Variants in MRPL3 observed in about 807,000 individuals in gnomAD.
MRPL3 encodes the protein large ribosomal subunit protein uL3m.
In MRPL3, 43 loss-of-function variants were observed where a neutral mutation model predicts 44.3. The observed-to-expected ratio is 0.97, with a 90% CI of 0.76 to 1.25. The LOEUF (loss-of-function observed/expected upper bound fraction) is 1.25. Among genes scored for constraint, MRPL3 ranks in the 50% most tolerant of loss-of-function variants. The probability of loss-of-function intolerance (pLI) is 0.00; values close to 1 mark genes in which losing one functional copy is unlikely to be tolerated. For missense variants in MRPL3, 406 were observed against 427.6 expected, an observed-to-expected ratio of 0.95 and a Z score of 0.45; for synonymous variants, 171 against 152.3, an observed-to-expected ratio of 1.12 and a Z score of -0.91.
At chr3:131,474,524 A>T (rs1933810317) in intron 6 of MRPL3, among the ~76,000 whole-genome samples, 1 of 152,182 alleles carries the variant, frequency 6.6e-6, no homozygotes, top group Non-Finnish European at 1.5e-5. Flanking sequence ...ATTACAAAAC[A>T]GCTAGGAATG....
chr3:131,487,441 A>C lies in MRPL3; in HGVS notation c.629+239T>G, dbSNP rs966867566. The C allele has an allele frequency of 6.4e-5, 25 of 390,506 alleles. 1 individual carries two copies. The highest frequency in any genetic ancestry group is 5.9e-4 in the Admixed American group (13 of 21,956). 24.2% of individuals were successfully genotyped at this position (390,506 alleles called of 1,614,324 possible). On this transcript the variant is annotated intron_variant, in intron 6 of 9. Transcript: ENST00000264995. ...TGTGCACATGTACCCTAGAACTTAA[A>C]GTATAATAAAAAAAAAACAAATAAA...
Position 131,468,103 on chromosome 3 carries a change from A to AT in MRPL3, c.881dup (p.Asn294LysfsTer10), listed in dbSNP as rs1933662000. Reference sequence around the variant, plus strand: ...CACTTATACTTACCTTTACTAAGCAATTTTTATGTCCAGGTACAGAGCCAT... The same window carrying AT: ...CACTTATACTTACCTTTACTAAGCAATTTTTTATGTCCAGGTACAGAGCCAT... On this transcript the variant is annotated frameshift_variant, in exon 9 of 10. Transcript: ENST00000264995. LOFTEE classifies it high-confidence loss of function. 6.4e-7 allele frequency: 1 copy of AT among 1,567,362 alleles called. No individual in the cohort carries two copies. The highest frequency in any genetic ancestry group is 1.4e-5 in the African/African-American group (1 of 72,170).
At chr3:131,474,952 AT>A (rs937409597) in intron 6 of MRPL3, among the ~76,000 whole-genome samples, 1 of 151,164 alleles carries the variant, frequency 6.6e-6, no homozygotes, top group Admixed American at 6.6e-5. Context: ...CTAATTTTTA[AT>A]TTTTTTTGGT....
In MRPL3 at chr3:131,472,247, C is replaced by T. The variant is rs566268220; in HGVS notation, c.630-968G>A. ...TCTTAGAAGATATCAGAAGGATCTT[C>T]ATCTCAGGGTTGAGAAGAAACAAAT... On this transcript the variant is annotated intron_variant, in intron 6 of 9. Transcript: ENST00000264995. 4.6e-5 allele frequency among the ~76,000 whole-genome samples: 7 copies of T among 152,256 alleles called. No individual in the cohort carries two copies. The South Asian group carries it at 1.5e-3, about 32-fold the overall frequency.
chr3:131,495,430 T>C (rs1934345505), intron 4 of MRPL3, among the ~76,000 whole-genome samples: 1 of 152,270 alleles, frequency 6.6e-6, no homozygotes, highest in Non-Finnish European at 1.5e-5. Flanking sequence ...AAATTTTATA[T>C]CTTGAAGAAA....
chr3:131,498,246 G>T lies in MRPL3; in HGVS notation c.401C>A (p.Ser134Ter). The T allele has an allele frequency of 6.2e-7, 1 of 1,611,354 alleles. No homozygotes were observed. ...CATTTTTCCATTACAGTTTTCCTTT[G>T]ACGTATATTTTAAGACATGACAGTC... ...VQDCHVLKYT[S>*]KENCNGKMAT... Residue 134 changes from serine to a stop codon, truncating the protein, a stop_gained, in exon 4 of 10, where the codon TCA becomes TAA. Transcript: ENST00000264995. LOFTEE classifies it high-confidence loss of function.
chr3:131,486,870 T>A (rs148155068), intron 6 of MRPL3, among the ~76,000 whole-genome samples: 3,419 of 152,188 alleles, frequency 0.022, 128 homozygotes, highest in African/African-American at 0.078. Flanking sequence ...GTAAATTAGT[T>A]CAACCATTAT....
At chr3:131,482,981 T>G (rs923849869) in intron 6 of MRPL3, among the ~76,000 whole-genome samples, 2 of 120,554 alleles carry the variant, frequency 1.7e-5, no homozygotes, top group East Asian at 4.1e-4. Flanking sequence ...CTTTGTTTCA[T>G]TCTTCTTTTT....
At chr3:131,487,149 T>C (rs1211989002) in intron 6 of MRPL3, 2 of 153,664 alleles carry the variant, frequency 1.3e-5, no homozygotes, top group African/African-American at 4.8e-5. Flanking sequence ...TCATGTCCTT[T>C]GCAGGGACAT....
rs527451678 is a variant in MRPL3, at chr3:131,494,107, C to T, written c.469-4027G>A. 3.3e-5 allele frequency among the ~76,000 whole-genome samples: 5 copies of T among 152,290 alleles called. No homozygotes were observed. In the South Asian group the frequency reaches 1.0e-3, roughly 32 times the overall value. On this transcript the variant is annotated intron_variant, in intron 4 of 9. Transcript: ENST00000264995. ...GATCAGTCTACAACTTACCAGGAAT[C>T]CCCCTGGGGCTCTCCAGTGGAGCCT...
At chr3:131,480,627 A>G (rs912441723) in intron 6 of MRPL3, among the ~76,000 whole-genome samples, 1 of 152,202 alleles carries the variant, frequency 6.6e-6, no homozygotes, top group African/African-American at 2.4e-5. Flanking sequence ...CAACTGCACT[A>G]AATAAACCCA....
In MRPL3 at chr3:131,473,177, T is replaced by C. The variant is rs540748680; in HGVS notation, c.630-1898A>G. The stretch of plus-strand genomic sequence containing the variant: ...CTTCAAAACATACTACACAAAGCTA[T>C]AGGAGCCAAAACAGCATGCTACTGG... On this transcript the variant is annotated intron_variant, in intron 6 of 9. Coordinates refer to ENST00000264995, the MANE Select transcript of MRPL3 (RefSeq NM_007208.4). 1.2e-4 allele frequency among the ~76,000 whole-genome samples: 18 copies of C among 152,068 alleles called. 1 individual carries two copies. The highest frequency in any genetic ancestry group is 3.4e-4 in the African/African-American group (14 of 41,496).
In MRPL3 at chr3:131,489,749, C is replaced by T. The variant is rs72997229; in HGVS notation, c.568+232G>A. ...TGAGGTGGCTTTTTCAAATATTAAA[C>T]TCTCTCTACATTAAAAACAAAAGTG... On this transcript the variant is annotated intron_variant, in intron 5 of 9. Coordinates refer to ENST00000264995, the MANE Select transcript of MRPL3 (RefSeq NM_007208.4). Among the ~76,000 whole-genome samples, 6,705 of 151,254 alleles carry T rather than the reference C, an allele frequency of 0.044. 415 individuals carry two copies. The highest frequency in any genetic ancestry group is 0.14 in the African/African-American group (5,711 of 41,162).
intron 2 of MRPL3, among the ~76,000 whole-genome samples, chr3:131,500,805 T>G (rs987645698): frequency 6.6e-6 from 1 of 152,218 alleles, no homozygotes; most frequent in Non-Finnish European, 1.5e-5. Flanking sequence ...TTTTAAATAA[T>G]GGGCATGATA....
At chr3:131,485,454 T>C (rs1399251480) in intron 6 of MRPL3, among the ~76,000 whole-genome samples, 1 of 152,246 alleles carries the variant, frequency 6.6e-6, no homozygotes, top group East Asian at 1.9e-4. Context: ...TGTGGCATTT[T>C]ATATGCAATA....
intron 6 of MRPL3, among the ~76,000 whole-genome samples, chr3:131,475,750 A>C (rs1559817577): frequency 6.6e-6 from 1 of 152,234 alleles, no homozygotes; most frequent in Non-Finnish European, 1.5e-5. Context: ...AGAAGAGAAT[A>C]ATCAAATATT....
At chr3:131,464,631 G>A (rs902693229) in intron 9 of MRPL3, among the ~76,000 whole-genome samples, 13 of 152,076 alleles carry the variant, frequency 8.5e-5, no homozygotes, top group African/African-American at 1.7e-4. Context: ...GAATGAACAC[G>A]AATGAACCGT....
At chr3:131,499,727 T>C (rs1197238079) in intron 3 of MRPL3, among the ~76,000 whole-genome samples, 1 of 146,380 alleles carries the variant, frequency 6.8e-6, no homozygotes, top group Admixed American at 6.7e-5. Context: ...CCAGTATCTT[T>C]CTATAATAAT....
At chr3:131,484,195 G>A (rs932503127) in intron 6 of MRPL3, among the ~76,000 whole-genome samples, 2 of 152,172 alleles carry the variant, frequency 1.3e-5, no homozygotes, top group African/African-American at 2.4e-5. Context: ...GAGTGAGGAG[G>A]AAAAGTGGTT....
Sources: allele counts gnomAD v4.1 joint callset (sites outside exome capture counted in the v4.1 genomes callset), GRCh38; gene constraint gnomAD v4.1.1; transcripts MANE v1.5; gene names NCBI Gene and HGNC (gene_info 2026-07-23, HGNC 2026-07-21).